KATNBL1: variants seen among roughly 807,000 people sequenced by gnomAD.
KATNBL1 encodes the protein katanin regulatory subunit B1 like 1.
A neutral mutation model predicts 44.7 loss-of-function variants in KATNBL1; 28 were observed. That is an observed-to-expected ratio of 0.63 (90% CI 0.46 to 0.86). The LOEUF is 0.86. Among genes scored for constraint, KATNBL1 ranks in the 40% least tolerant of loss-of-function variants. The pLI is 0.00. For synonymous variants in KATNBL1, 78 were observed against 114.9 expected, an observed-to-expected ratio of 0.68 and a Z score of 2.06; for missense variants, 272 against 350.7, an observed-to-expected ratio of 0.78 and a Z score of 1.79.
At chr15:34,163,449 G>A (rs1888869626) in intron 2 of KATNBL1, 111 bp downstream of exon 2, 4 of 1,255,310 alleles carry the variant, frequency 3.2e-6, no homozygotes, top group Non-Finnish European at 4.4e-6. Context: ...TTAATTCTGG[G>A]AGATTAAGCA....
At chr15:34,150,123 T>C (rs893953380) in intron 4 of KATNBL1, among the ~76,000 whole-genome samples, 8 of 152,190 alleles carry the variant, frequency 5.3e-5, no homozygotes, top group African/African-American at 1.9e-4. Context: ...TTAGAGCAGG[T>C]ACTGGTCAAT....
chr15:34,181,557 T>C (rs577896808), intron 1 of KATNBL1, among the ~76,000 whole-genome samples: 22 of 147,446 alleles, frequency 1.5e-4, no homozygotes, highest in African/African-American at 5.5e-4. Flanking sequence ...TACATATATA[T>C]GTCCATATAT....
chr15:34,145,783 C>T (rs1342528033), intron 8 of KATNBL1: 2 of 159,222 alleles, frequency 1.3e-5, no homozygotes, highest in Non-Finnish European at 2.7e-5. Flanking sequence ...TTTTTCAATT[C>T]CAAAATTAAT....
chr15:34,179,040 G>T (rs1355570075), intron 1 of KATNBL1, among the ~76,000 whole-genome samples: 1 of 152,158 alleles, frequency 6.6e-6, no homozygotes, highest in Non-Finnish European at 1.5e-5. Context: ...GCTTACAATG[G>T]AATATTAAAA....
chr15:34,149,924 C>T (rs539417567), intron 4 of KATNBL1, among the ~76,000 whole-genome samples: 1 of 152,240 alleles, frequency 6.6e-6, no homozygotes, highest in South Asian at 2.1e-4. Context: ...TCTTTACATA[C>T]CATAATTTAT....
chr15:34,165,287 A>G (rs1230701562), intron 1 of KATNBL1, among the ~76,000 whole-genome samples: 2 of 152,152 alleles, frequency 1.3e-5, no homozygotes, highest in African/African-American at 2.4e-5. Flanking sequence ...TAGATCACAA[A>G]GGGTCTTGTC....
At chr15:34,208,297 G>A (rs557472813) in intron 1 of KATNBL1, among the ~76,000 whole-genome samples, 15 of 152,166 alleles carry the variant, frequency 9.9e-5, no homozygotes, top group South Asian at 6.2e-4. Context: ...TCATTCTTGC[G>A]GCACATTTCT....
intron 9 of KATNBL1, among the ~76,000 whole-genome samples, chr15:34,143,241 G>A (rs1320250618): frequency 1.3e-5 from 2 of 151,172 alleles, no homozygotes; most frequent in Admixed American, 6.6e-5. Flanking sequence ...TTGGGAGGGG[G>A]AGGTGGGTGG....
Position 34,183,688 on chromosome 15 carries a change from A to G in KATNBL1, c.-14-19998T>C, listed in dbSNP as rs191015001. Among the ~76,000 whole-genome samples, 3 of 152,354 alleles carry G rather than the reference A, an allele frequency of 2.0e-5. No individual in the cohort carries two copies. The East Asian group carries it at 5.8e-4, about 29-fold the overall frequency. ...AAGGGGAATAAATAAGTTAATTACC[A>G]AATTCTTAAAACCTGAGAGAATATT... On this transcript the variant is annotated intron_variant, in intron 1 of 9. Transcript: ENST00000256544.
intron 1 of KATNBL1, among the ~76,000 whole-genome samples, chr15:34,207,028 T>G (rs1890312170): frequency 7.0e-6 from 1 of 143,648 alleles, no homozygotes; most frequent in Admixed American, 7.6e-5. Context: ...TTGTTGTTAC[T>G]AGACAATACT....
chr15:34,154,347 A>T (rs974085763), intron 3 of KATNBL1, among the ~76,000 whole-genome samples: 3 of 152,224 alleles, frequency 2.0e-5, no homozygotes, highest in Non-Finnish European at 4.4e-5. Flanking sequence ...AATGAATGTC[A>T]TTCTTACCAC....
Position 34,175,156 on chromosome 15 carries a change from A to ACG in KATNBL1, c.-14-11468_-14-11467dup, listed in dbSNP as rs1555528775. ...CACACACACACACACACACACACACACGCATATATAATATATATGTACATA... is the reference window on the plus strand; with the variant it reads ...CACACACACACACACACACACACACACGCGCATATATAATATATATGTACATA... On this transcript the variant is annotated intron_variant, in intron 1 of 9. Coordinates refer to ENST00000256544, the MANE Select transcript of KATNBL1 (RefSeq NM_024713.3). 3.2e-3 allele frequency among the ~76,000 whole-genome samples: 466 copies of ACG among 144,044 alleles called. 1 individual carries two copies. Among genetic ancestry groups the ACG allele is most frequent in the African/African-American group, 0.011 (443 of 38,660 alleles). The allele number at this position is 144,044 out of a possible 152,430, so 94.5% of individuals were successfully genotyped here.
intron 1 of KATNBL1, among the ~76,000 whole-genome samples, chr15:34,172,900 C>G (rs1889214521): frequency 6.6e-6 from 1 of 151,946 alleles, no homozygotes. Context: ...GAGCTATACA[C>G]TAAAAAGGGT....
At chr15:34,204,870 C>CT (rs1890252941) in intron 1 of KATNBL1, among the ~76,000 whole-genome samples, 1 of 152,072 alleles carries the variant, frequency 6.6e-6, no homozygotes, top group African/African-American at 2.4e-5. Context: ...GGAATTTGGA[C>CT]TTTATCTTGT....
At chr15:34,144,096 G>C (rs1241293413) in intron 9 of KATNBL1, among the ~76,000 whole-genome samples, 1 of 151,014 alleles carries the variant, frequency 6.6e-6, no homozygotes, top group Admixed American at 6.6e-5. Context: ...TGGGAGAGGG[G>C]CCATGGTCTT....
In KATNBL1 at chr15:34,208,165, G is replaced by A. The variant is rs114981613; in HGVS notation, c.-15+1786C>T. Among the ~76,000 whole-genome samples, 815 of 152,150 alleles carry A rather than the reference G, an allele frequency of 5.4e-3. 9 individuals carry two copies. The highest frequency in any genetic ancestry group is 0.018 in the African/African-American group (766 of 41,482). On this transcript the variant is annotated intron_variant, in intron 1 of 9. Transcript: ENST00000256544. ...TGGTTACATGAATCAGTTCTTCAGG[G>A]GTGATTTCCGAGATTCTGGTGCACC... is the stretch of plus-strand genomic sequence containing the variant.
chr15:34,197,760 T>A (rs766715622), intron 1 of KATNBL1, among the ~76,000 whole-genome samples: 8 of 152,190 alleles, frequency 5.3e-5, no homozygotes, highest in Non-Finnish European at 1.0e-4. Context: ...TTATTTTATT[T>A]TTTTTGAGAC....
At chr15:34,148,577 G>T in intron 5 of KATNBL1, 55 bp downstream of exon 5, 1 of 1,038,232 alleles carries the variant, frequency 9.6e-7, no homozygotes, top group African/African-American at 1.6e-5. Flanking sequence ...GACAAAGCAA[G>T]AACTTGTCTC....
intron 1 of KATNBL1, among the ~76,000 whole-genome samples, chr15:34,177,573 G>C (rs1889372801): frequency 6.8e-6 from 1 of 146,936 alleles, no homozygotes; most frequent in Admixed American, 7.0e-5. Context: ...GAGCCCGCGA[G>C]GCAGAGGTTG....
Sources: allele counts gnomAD v4.1 joint callset (sites outside exome capture counted in the v4.1 genomes callset), GRCh38; gene constraint gnomAD v4.1.1; transcripts MANE v1.5; gene names NCBI Gene and HGNC (gene_info 2026-07-23, HGNC 2026-07-21).